Variants in FRMD4A observed in about 807,000 individuals in gnomAD.
The protein encoded by FRMD4A is FERM domain-containing protein 4A.
FRMD4A carries 29 observed loss-of-function variants against 129.1 expected under a neutral mutation model. The ratio of observed to expected loss-of-function variants is 0.22; its 90% confidence interval spans 0.17 to 0.31. The LOEUF (loss-of-function observed/expected upper bound fraction) is 0.31. FRMD4A is among the 10% of genes least tolerant of loss of function. The probability of loss-of-function intolerance (pLI) is 1.00; values close to 1 mark genes in which losing one functional copy is unlikely to be tolerated. For missense variants in FRMD4A, 1,272 were observed against 1,375.8 expected (o/e 0.92, Z 1.19); for synonymous variants, 634 against 571.6 (o/e 1.11, Z -1.56).
chr10:13,705,969 C>CA (rs2087391084), intron 13 of FRMD4A, among the ~76,000 whole-genome samples: 2 of 152,282 alleles, frequency 1.3e-5, no homozygotes, highest in South Asian at 4.1e-4. Context: ...GCTGCAGGAA[C>CA]AGGGGCTACT....
At chr10:13,837,842 A>G (rs1448413514) in intron 3 of FRMD4A, among the ~76,000 whole-genome samples, 1 of 152,106 alleles carries the variant, frequency 6.6e-6, no homozygotes, top group Non-Finnish European at 1.5e-5. Flanking sequence ...GATATTTTCT[A>G]TCTTCCCTTC....
intron 6 of FRMD4A, among the ~76,000 whole-genome samples, chr10:13,772,678 G>A (rs2092491617): frequency 6.6e-6 from 1 of 152,152 alleles, no homozygotes; most frequent in Non-Finnish European, 1.5e-5. Flanking sequence ...GGGAGGTCAT[G>A]ATGTAAAGTG....
At chr10:13,913,844 T>A in intron 2 of FRMD4A, among the ~76,000 whole-genome samples, 1 of 151,822 alleles carries the variant, frequency 6.6e-6, no homozygotes, top group African/African-American at 2.4e-5. Flanking sequence ...GGTGGGGGAG[T>A]TTGACAATGA....
rs138628826 is a variant in FRMD4A at position 14,198,524 on chromosome 10, T to C, written c.45+131534A>G. On this transcript the variant is annotated intron_variant, in intron 2 of 24. Transcript: ENST00000357447. ...GTGAGGGCTTTGAGGAGCAAGCCAA[T>C]TTCACAGGAGACTTGACTGATTCCC... 9.5e-4 allele frequency among the ~76,000 whole-genome samples: 145 copies of C among 152,346 alleles called. 1 individual carries two copies. The highest frequency in any genetic ancestry group is 3.3e-3 in the African/African-American group (137 of 41,592).
At chr10:14,127,836 T>A (rs377571808) in intron 2 of FRMD4A, among the ~76,000 whole-genome samples, 82 of 152,212 alleles carry the variant, frequency 5.4e-4, no homozygotes, top group African/African-American at 1.8e-3. Context: ...ATTCCATCAC[T>A]CTGAAGCCTT....
intron 2 of FRMD4A, among the ~76,000 whole-genome samples, chr10:14,029,181 C>T (rs1311180157): frequency 1.3e-5 from 2 of 151,746 alleles, no homozygotes; most frequent in Non-Finnish European, 1.5e-5. Context: ...ATCTCTTTCT[C>T]CCATTTCTAT....
Position 13,645,591 on chromosome 10 carries a change from A to T in FRMD4A, c.*1447T>A, listed in dbSNP as rs1351959694. 2.0e-5 allele frequency: 3 copies of T among 152,586 alleles called. No individual in the cohort carries two copies. Among genetic ancestry groups the T allele is most frequent in the Non-Finnish European group, 4.4e-5 (3 of 68,032 alleles). The allele number at this position is 152,586 out of a possible 1,614,324, so 9.5% of individuals were successfully genotyped here. On this transcript the variant is annotated 3_prime_UTR_variant, in exon 25 of 25. Coordinates refer to ENST00000357447, the MANE Select transcript of FRMD4A (RefSeq NM_018027.5). ...TTTTCTTCTTTCCTCCTCTTTTGGTATCTGCACACAAATGTGGTGCATGAC... is the reference window on the plus strand; with the variant it reads ...TTTTCTTCTTTCCTCCTCTTTTGGTTTCTGCACACAAATGTGGTGCATGAC...
chr10:13,699,071 T>TTC (rs34689515), intron 14 of FRMD4A, among the ~76,000 whole-genome samples: 1 of 131,418 alleles, frequency 7.6e-6, no homozygotes, highest in African/African-American at 2.8e-5. Flanking sequence ...TTTTTTTTTT[T>TTC]CTGAGATGGA....
intron 2 of FRMD4A, among the ~76,000 whole-genome samples, chr10:14,004,068 C>T (rs2095652578): frequency 6.6e-6 from 1 of 152,164 alleles, no homozygotes; most frequent in Non-Finnish European, 1.5e-5. Context: ...TTGGGATTCA[C>T]GTGTAGTCAG....
chr10:13,668,246 C>G (rs548560166), intron 17 of FRMD4A: 5 of 152,258 alleles, frequency 3.3e-5, no homozygotes, highest in African/African-American at 1.2e-4. Flanking sequence ...TCAACATGGA[C>G]TCCTGCCTGT....
chr10:14,314,526 T>TA (rs1846665755), intron 2 of FRMD4A, among the ~76,000 whole-genome samples: 1 of 152,114 alleles, frequency 6.6e-6, no homozygotes. Flanking sequence ...TCCTCCCTGA[T>TA]AAAAAGAAAC....
intron 2 of FRMD4A, among the ~76,000 whole-genome samples, chr10:14,215,448 A>C (rs371367875): frequency 7.9e-5 from 12 of 152,204 alleles, no homozygotes; most frequent in African/African-American, 2.9e-4. Flanking sequence ...AGAATGCCTA[A>C]TCTTTGCCAA....
At chr10:13,812,331 C>A (rs181898514) in intron 3 of FRMD4A, among the ~76,000 whole-genome samples, 1 of 152,150 alleles carries the variant, frequency 6.6e-6, no homozygotes, top group Non-Finnish European at 1.5e-5. Context: ...GAGGGTGGGG[C>A]CCCCAAGATG....
In FRMD4A at chr10:14,063,001, C is replaced by T. The variant is rs567238965; in HGVS notation, c.46-204089G>A. On this transcript the variant is annotated intron_variant, in intron 2 of 24. Transcript: ENST00000357447. ...AGACAAAATGTGCTGATCCTATCGA[C>T]GTTGAATGTTTCCTGTTTCATTGAC... Among the ~76,000 whole-genome samples the T allele has an allele frequency of 3.3e-5, 5 of 152,244 alleles. No individual in the cohort carries two copies. In the South Asian group the frequency reaches 6.2e-4, roughly 19 times the overall value.
chr10:13,925,883 C>CTT (rs150868660), intron 2 of FRMD4A, among the ~76,000 whole-genome samples: 2 of 135,538 alleles, frequency 1.5e-5, no homozygotes, highest in African/African-American at 2.7e-5. Context: ...GCACCTGGCT[C>CTT]TTTTTTTTTT....
chr10:13,686,032 C>G (rs760382246), intron 15 of FRMD4A, among the ~76,000 whole-genome samples: 8 of 152,072 alleles, frequency 5.3e-5, no homozygotes, highest in Non-Finnish European at 1.0e-4. Context: ...TGTCCAGAAC[C>G]ATCCATTCCC....
At position 13,890,719 on chromosome 10, in the gene FRMD4A, C is replaced by G. The variant is rs372689237; in HGVS notation, c.46-31807G>C. 1.7e-5 allele frequency: 17 copies of G among 985,276 alleles called. No homozygotes were observed. The East Asian group carries it at 7.9e-4, about 46-fold the overall frequency. 61.0% of individuals were successfully genotyped at this position (985,276 alleles called of 1,614,324 possible). A position where few individuals can be genotyped will look rare whatever the true frequency, so the allele number is the denominator to read the frequency against. The stretch of plus-strand genomic sequence containing the variant: ...TCCATTCATAGGGGAGCCAGAGCCG[C>G]ATCCATTCATGGTGGGGTCAGGGAG... On this transcript the variant is annotated intron_variant, in intron 2 of 24. Coordinates refer to ENST00000357447, the MANE Select transcript of FRMD4A (RefSeq NM_018027.5).
chr10:14,005,848 C>T (rs1391941941), intron 2 of FRMD4A, among the ~76,000 whole-genome samples: 2 of 152,180 alleles, frequency 1.3e-5, no homozygotes, highest in East Asian at 3.8e-4. Flanking sequence ...AACCCCTGGG[C>T]TCTGTGCCTT....
chr10:13,718,519 G>GT (rs2089096342), intron 12 of FRMD4A, among the ~76,000 whole-genome samples: 1 of 152,212 alleles, frequency 6.6e-6, no homozygotes, highest in South Asian at 2.1e-4. Context: ...GAGCAATTTG[G>GT]TATCTGCTCT....
Sources: gnomAD v4.1 joint callset for allele counts (sites outside exome capture counted in the v4.1 genomes callset) on GRCh38, gnomAD v4.1.1 for gene constraint, MANE v1.5 for transcripts, NCBI Gene and HGNC (gene_info 2026-07-23, HGNC 2026-07-21) for gene names.